The following TMEM132C variants were observed in gnomAD, a reference collection of about 807,000 sequenced individuals.
The protein encoded by TMEM132C is transmembrane protein 132C, also known as protein phosphatase 1, regulatory subunit 152.
TMEM132C carries 29 observed loss-of-function variants against 61.4 expected under a neutral mutation model. The ratio of observed to expected loss-of-function variants is 0.47; its 90% confidence interval spans 0.35 to 0.64. The LOEUF is 0.64. TMEM132C is among the 30% of genes least tolerant of loss of function. TMEM132C has a pLI of 0.00. For synonymous variants in TMEM132C, 656 were observed against 633.1 expected (o/e 1.04, Z -0.54); for missense variants, 1,408 against 1,476.9 (o/e 0.95, Z 0.76).
At position 128,693,869 on chromosome 12, in the gene TMEM132C, A is replaced by C. The variant is rs1954737424; in HGVS notation, c.1490A>C (p.Glu497Ala). Residue 497 changes from glutamate (E) to alanine (A), a missense_variant, in exon 6 of 9, where the codon GAG becomes GCG. Glu to Ala is a moderately radical substitution (Grantham distance 107). Transcript: ENST00000435159. ...RCDYIFVNGKEIKGKMDAVVN... is the reference protein window; with the variant it reads ...RCDYIFVNGKAIKGKMDAVVN... ...GACTACATCTTTGTCAATGGCAAAG[A>C]GATCAAAGGAAAGATGGATGCGGTG... 1 of 1,551,752 alleles carries C rather than the reference A, an allele frequency of 6.4e-7. No individual in the cohort carries two copies. Among genetic ancestry groups the C allele is most frequent in the African/African-American group, 1.4e-5 (1 of 73,182 alleles).
At chr12:128,414,643 C>A (rs1489243205) in intron 1 of TMEM132C, 89 bp from the exon 2 acceptor site, 42 of 1,363,358 alleles carry the variant, frequency 3.1e-5, no homozygotes, top group Non-Finnish European at 4.0e-5. Flanking sequence ...TCCCTCATTT[C>A]TAAATGGCTT....
intron 2 of TMEM132C, among the ~76,000 whole-genome samples, chr12:128,513,329 A>G (rs1180799823): frequency 1.3e-5 from 2 of 152,170 alleles, no homozygotes; most frequent in Admixed American, 1.3e-4. Context: ...GTATAGGGGA[A>G]GAGTCAGGAG....
At chr12:128,662,040 T>G (rs987171785) in intron 4 of TMEM132C, among the ~76,000 whole-genome samples, 1 of 151,958 alleles carries the variant, frequency 6.6e-6, no homozygotes, top group Non-Finnish European at 1.5e-5. Context: ...ACTGGAAAAA[T>G]GACAGAGGAG....
At chr12:128,334,026 T>C (rs1872732477) in intron 1 of TMEM132C, among the ~76,000 whole-genome samples, 2 of 152,008 alleles carry the variant, frequency 1.3e-5, no homozygotes, top group Admixed American at 1.3e-4. Context: ...AGGTGTGTGC[T>C]GTGTGGGAGC....
chr12:128,432,169 G>A (rs1479797227), intron 2 of TMEM132C, among the ~76,000 whole-genome samples: 3 of 152,240 alleles, frequency 2.0e-5, no homozygotes, highest in Non-Finnish European at 2.9e-5. Flanking sequence ...TGATGGATAT[G>A]TGCAGGGGGA....
intron 1 of TMEM132C, among the ~76,000 whole-genome samples, chr12:128,386,960 T>C (rs1874604761): frequency 6.6e-6 from 1 of 151,446 alleles, no homozygotes; most frequent in Non-Finnish European, 1.5e-5. Flanking sequence ...GAGACCCACA[T>C]CTCTACAAAA....
chr12:128,672,326 G>A (rs1047994561), intron 5 of TMEM132C, among the ~76,000 whole-genome samples: 2 of 152,056 alleles, frequency 1.3e-5, no homozygotes, highest in Non-Finnish European at 2.9e-5. Flanking sequence ...AACACTTGAT[G>A]AATGTAACGT....
At chr12:128,413,262 G>C (rs1868627961) in intron 1 of TMEM132C, among the ~76,000 whole-genome samples, 1 of 117,038 alleles carries the variant, frequency 8.5e-6, no homozygotes, top group South Asian at 3.0e-4. Flanking sequence ...TCGCGCCACT[G>C]CACTCCAGCC....
chr12:128,352,174 G>A (rs1452149048), intron 1 of TMEM132C, among the ~76,000 whole-genome samples: 1 of 152,132 alleles, frequency 6.6e-6, no homozygotes, highest in African/African-American at 2.4e-5. Flanking sequence ...CCTGAGACTG[G>A]GTATTTATAA....
chr12:128,616,740 T>A (rs1876814609), intron 4 of TMEM132C, among the ~76,000 whole-genome samples: 2 of 152,196 alleles, frequency 1.3e-5, no homozygotes, highest in African/African-American at 4.8e-5. Context: ...CTTAGGATGA[T>A]GGAGCTCACT....
At position 128,267,325 on chromosome 12, in the gene TMEM132C, T is replaced by G. The variant is rs1870338627; in HGVS notation, c.-78T>G. ...CGGGCTGCGGGAGTGGCCCCGGGCA[T>G]GGGGCGGCCGGCGGGGGCCGCGGGC... On this transcript the variant is annotated 5_prime_UTR_variant, in exon 1 of 9. An upstream start codon of the reference 5' UTR is lost. Coordinates refer to ENST00000435159, the MANE Select transcript of TMEM132C (RefSeq NM_001136103.3). 3 of 902,908 alleles carry G rather than the reference T, an allele frequency of 3.3e-6. No individual in the cohort carries two copies. The highest frequency in any genetic ancestry group is 2.6e-6 in the Non-Finnish European group (2 of 758,336). 55.9% of individuals were successfully genotyped at this position (902,908 alleles called of 1,614,324 possible).
Position 128,435,761 on chromosome 12 carries a change from A to T in TMEM132C, c.974+20141A>T, listed in dbSNP as rs113406345. ...GATTCAGTGCCATCCCCATCAAGCT[A>T]CCAATTACTTTCTTCACAGAACTGG... is the stretch of plus-strand genomic sequence containing the variant. On this transcript the variant is annotated intron_variant, in intron 2 of 8. Transcript: ENST00000435159. Among the ~76,000 whole-genome samples the T allele has an allele frequency of 9.0e-3, 1,378 of 152,334 alleles. 27 individuals are homozygous for T. Among genetic ancestry groups the T allele is most frequent in the African/African-American group, 0.031 (1,305 of 41,564 alleles).
chr12:128,334,112 AC>A (rs780544283), intron 1 of TMEM132C, among the ~76,000 whole-genome samples: 8 of 152,150 alleles, frequency 5.3e-5, no homozygotes, highest in African/African-American at 9.7e-5. Flanking sequence ...ACCTCACCCC[AC>A]CTTAACAAAC....
chr12:128,610,882 G>A (rs1161852017), intron 3 of TMEM132C, among the ~76,000 whole-genome samples: 2 of 152,164 alleles, frequency 1.3e-5, no homozygotes, highest in East Asian at 1.9e-4. Flanking sequence ...GAATGGCTGA[G>A]AGCCTGCCCC....
intron 1 of TMEM132C, among the ~76,000 whole-genome samples, chr12:128,314,558 T>C (rs1335507597): frequency 6.6e-6 from 1 of 152,084 alleles, no homozygotes; most frequent in Non-Finnish European, 1.5e-5. Flanking sequence ...AATAGAGTCA[T>C]TGCAGATATA....
At chr12:128,565,240 A>T (rs540191175) in intron 3 of TMEM132C, among the ~76,000 whole-genome samples, 1 of 152,184 alleles carries the variant, frequency 6.6e-6, no homozygotes, top group African/African-American at 2.4e-5. Context: ...CAACAACGAC[A>T]TGATCTTGGA....
chr12:128,615,443 G>A (rs2135583279), intron 3 of TMEM132C, among the ~76,000 whole-genome samples: 1 of 152,232 alleles, frequency 6.6e-6, no homozygotes, highest in South Asian at 2.1e-4. Flanking sequence ...AGAATCAGTG[G>A]GAGCCCTGAG....
intron 2 of TMEM132C, among the ~76,000 whole-genome samples, chr12:128,456,272 C>T (rs577345201): frequency 3.4e-4 from 51 of 149,962 alleles, no homozygotes; most frequent in African/African-American, 5.6e-4. Flanking sequence ...GCGTGATTTG[C>T]GTGGACTTTT....
intron 2 of TMEM132C, among the ~76,000 whole-genome samples, chr12:128,486,542 AGT>A (rs1187464150): frequency 6.6e-6 from 1 of 152,140 alleles, no homozygotes; most frequent in Non-Finnish European, 1.5e-5. Context: ...CCCTGTGGAA[AGT>A]GTGGGTCGCT....
Sources: allele counts gnomAD v4.1 joint callset (sites outside exome capture counted in the v4.1 genomes callset), GRCh38; gene constraint gnomAD v4.1.1; transcripts MANE v1.5; gene names NCBI Gene and HGNC (gene_info 2026-07-23, HGNC 2026-07-21).